Variants in DNMBP observed in about 807,000 individuals in gnomAD.
DNMBP encodes the protein dynamin binding protein, also known as dynamin-binding protein.
In DNMBP, 87 loss-of-function variants were observed where a neutral mutation model predicts 150.0. The ratio of observed to expected loss-of-function variants is 0.58; its 90% confidence interval spans 0.49 to 0.69. The LOEUF is 0.69. DNMBP is among the 30% of genes least tolerant of loss of function. DNMBP has a pLI of 0.00. For missense variants in DNMBP, 1,774 were observed against 1,949.0 expected (o/e 0.91, Z 1.69); for synonymous variants, 711 against 750.4 (o/e 0.95, Z 0.86).
At position 99,884,150 on chromosome 10, in the gene DNMBP, A is replaced by AG. The variant is rs1331570380; in HGVS notation, c.3857dup (p.Glu1287Ter). ...TCCGTTCTGCCTGGAAGAGTTTTTC[A>AG]GGGGGATACCTGGCCAGGAGGGAGG... On this transcript the variant is annotated frameshift_variant, in exon 15 of 17. Transcript: ENST00000324109. LOFTEE classifies it high-confidence loss of function. 6.2e-7 allele frequency: 1 copy of AG among 1,613,984 alleles called. No homozygotes were observed. Among genetic ancestry groups the AG allele is most frequent in the Non-Finnish European group, 8.5e-7 (1 of 1,180,024 alleles).
rs2490763 is a variant in DNMBP, at chr10:99,885,741, T to C, written c.3744A>G (p.Pro1248=). 0.51 allele frequency: 815,989 copies of C among 1,594,246 alleles called. 211,717 individuals carry two copies. The highest frequency in any genetic ancestry group is 0.59 in the African/African-American group (44,194 of 74,702). Residue 1248 remains proline (P), a synonymous_variant, in exon 14 of 17, where the codon CCA becomes CCG. Coordinates refer to ENST00000324109, the MANE Select transcript of DNMBP (RefSeq NM_015221.4). The part of the protein sequence containing the change: ...FPESLPATKK[P]FERKTIDRQS... ...GGCGGTCAATGGTTTTCCTCTCAAA[T>C]GGCTTCTTGGTAGCTGGAAGAGACT... is the stretch of plus-strand genomic sequence containing the variant.
intron 4 of DNMBP, among the ~76,000 whole-genome samples, chr10:99,954,613 G>C (rs886449034): frequency 6.6e-6 from 1 of 151,700 alleles, no homozygotes; most frequent in African/African-American, 2.4e-5. Flanking sequence ...GCATGGTGGC[G>C]CTTGCCTGTA....
intron 3 of DNMBP, among the ~76,000 whole-genome samples, chr10:99,959,699 A>T (rs901877883): frequency 1.3e-5 from 2 of 149,480 alleles, no homozygotes; most frequent in Non-Finnish European, 1.5e-5. Flanking sequence ...TTTAAAATTT[A>T]AAAAAAAATT....
At chr10:99,941,504 T>A in intron 4 of DNMBP, among the ~76,000 whole-genome samples, 1 of 152,012 alleles carries the variant, frequency 6.6e-6, no homozygotes, top group East Asian at 1.9e-4. Context: ...GTTTCACTCT[T>A]GTTGCCCAGA....
intron 3 of DNMBP, among the ~76,000 whole-genome samples, chr10:99,961,644 T>G (rs2040566992): frequency 6.6e-6 from 1 of 152,188 alleles, no homozygotes; most frequent in Admixed American, 6.5e-5. Context: ...CCCCACGCAT[T>G]ATTTCTTCAA....
intron 4 of DNMBP, among the ~76,000 whole-genome samples, chr10:99,952,623 G>A (rs949800219): frequency 1.3e-4 from 20 of 152,210 alleles, no homozygotes; most frequent in Admixed American, 2.6e-4. Flanking sequence ...CCCTCCTACC[G>A]CACCATCTCT....
intron 15 of DNMBP, among the ~76,000 whole-genome samples, chr10:99,883,000 T>C (rs2039393521): frequency 6.6e-6 from 1 of 152,150 alleles, no homozygotes; most frequent in African/African-American, 2.4e-5. Flanking sequence ...TGAGCTGAGA[T>C]CGTGCTGCTG....
At chr10:99,973,557 G>A (rs557671048) in intron 1 of DNMBP, among the ~76,000 whole-genome samples, 234 of 152,326 alleles carry the variant, frequency 1.5e-3, no homozygotes, top group African/African-American at 4.7e-3. Flanking sequence ...CAAGATCACA[G>A]TGCTCACAGC....
chr10:99,886,768 A>G, intron 12 of DNMBP, 136 bp from the exon 13 acceptor site: 3 of 720,140 alleles, frequency 4.2e-6, no homozygotes, highest in Non-Finnish European at 6.8e-6. Flanking sequence ...AAACCCATAC[A>G]GATCTACAAC....
chr10:99,943,035 C>A (rs2040317573), intron 4 of DNMBP, among the ~76,000 whole-genome samples: 1 of 152,046 alleles, frequency 6.6e-6, no homozygotes, highest in South Asian at 2.1e-4. Flanking sequence ...GTAATCCCAG[C>A]ACTTTGGGAG....
chr10:99,879,239 C>G (rs1159810898), intron 16 of DNMBP, among the ~76,000 whole-genome samples: 1 of 152,162 alleles, frequency 6.6e-6, no homozygotes, highest in South Asian at 2.1e-4. Flanking sequence ...CCGAGGTGGG[C>G]GGATCACTTG....
intron 4 of DNMBP, 95 bp from the exon 5 acceptor site, chr10:99,909,241 A>T: frequency 1.1e-6 from 1 of 926,828 alleles, no homozygotes; most frequent in Non-Finnish European, 1.6e-6. Context: ...CTGAGAACCA[A>T]AGGTCTCACT....
intron 4 of DNMBP, among the ~76,000 whole-genome samples, chr10:99,935,106 AAAAAAAAG>A (rs2040213182): frequency 1.3e-5 from 2 of 149,098 alleles, no homozygotes; most frequent in African/African-American, 2.5e-5. Context: ...AAAAAAAAAA[AAAAAAAAG>A]AAAAGAAAAA....
Position 99,957,120 on chromosome 10 carries a change from A to C in DNMBP, c.354T>G (p.Ser118=), listed in dbSNP as rs2040508302. ...SCWGARGFFP[S]SCVRELCLSS... ...AGAGGCAGAGCTCGCGGACACATGA[A>C]GATGGGAAGAAGCCCCGTGCGCCCC... is the stretch of plus-strand genomic sequence containing the variant. Residue 118 remains serine, a synonymous_variant, in exon 4 of 17, where the codon TCT becomes TCG. Transcript: ENST00000324109. The C allele has an allele frequency of 2.5e-6, 4 of 1,613,694 alleles. No individual in the cohort carries two copies. Among genetic ancestry groups the C allele is most frequent in the Non-Finnish European group, 3.4e-6 (4 of 1,180,038 alleles).
Position 99,886,423 on chromosome 10 carries a change from C to G in DNMBP, c.3495G>C (p.Leu1165=), listed in dbSNP as rs1439732124. The G allele has an allele frequency of 2.5e-6, 4 of 1,614,062 alleles. No homozygotes were observed. Among genetic ancestry groups the G allele is most frequent in the Non-Finnish European group, 8.5e-7 (1 of 1,180,042 alleles). ...ACTGGTGGAACTTGGGCAGCTCATCCAGCAGCTGTGCATTCAGGGCCTCAT... is the reference window on the plus strand; with the variant it reads ...ACTGGTGGAACTTGGGCAGCTCATCGAGCAGCTGTGCATTCAGGGCCTCAT... ...NNYEALNAQL[L]DELPKFHQYA... Residue 1165 remains leucine (L), a synonymous_variant, in exon 13 of 17, where the codon CTG becomes CTC. Transcript: ENST00000324109.
intron 1 of DNMBP, among the ~76,000 whole-genome samples, chr10:99,972,502 C>A (rs2040689099): frequency 6.6e-6 from 1 of 152,320 alleles, no homozygotes; most frequent in East Asian, 1.9e-4. Flanking sequence ...AACTCCTGGG[C>A]TGAAGCAATC....
intron 4 of DNMBP, among the ~76,000 whole-genome samples, chr10:99,935,904 C>T (rs2040225157): frequency 6.6e-6 from 1 of 152,068 alleles, no homozygotes; most frequent in African/African-American, 2.4e-5. Flanking sequence ...AAATCAAGAG[C>T]ATAAAAGATA....
chr10:99,914,026 A>G (rs760017326), intron 4 of DNMBP: 2 of 1,505,756 alleles, frequency 1.3e-6, no homozygotes, highest in Middle Eastern at 3.5e-4. Flanking sequence ...ATCTTCCCAG[A>G]GCTCTGGAAT....
chr10:99,891,742 G>A (rs1369860053), intron 11 of DNMBP, among the ~76,000 whole-genome samples: 9 of 147,846 alleles, frequency 6.1e-5, no homozygotes, highest in African/African-American at 1.0e-4. Flanking sequence ...ACCTCTTCCC[G>A]GCCGCCATCA....
Sources: gnomAD v4.1 joint callset for allele counts (sites outside exome capture counted in the v4.1 genomes callset) on GRCh38, gnomAD v4.1.1 for gene constraint, MANE v1.5 for transcripts, NCBI Gene and HGNC (gene_info 2026-07-23, HGNC 2026-07-21) for gene names.